KCNQ3: variants seen among roughly 807,000 people sequenced by gnomAD.
KCNQ3 encodes potassium voltage-gated channel subfamily KQT member 3.
KCNQ3 carries 30 observed loss-of-function variants against 92.5 expected under a neutral mutation model. The ratio of observed to expected loss-of-function variants is 0.32; its 90% CI spans 0.24 to 0.44. The LOEUF is 0.44. KCNQ3 is among the 20% of genes least tolerant of loss of function. KCNQ3 has a pLI of 1.00. For missense variants in KCNQ3, 913 were observed against 1,140.3 expected, an observed-to-expected ratio of 0.80 and a Z score of 2.87; for synonymous variants, 450 against 468.8, an observed-to-expected ratio of 0.96 and a Z score of 0.52.
At chr8:132,188,282 T>C (rs1046483287) in intron 1 of KCNQ3, among the ~76,000 whole-genome samples, 4 of 152,200 alleles carry the variant, frequency 2.6e-5, no homozygotes, top group Non-Finnish European at 4.4e-5. Context: ...TTGTTGAGGA[T>C]CATGGTGCTC....
chr8:132,364,543 T>C (rs1052678928), intron 1 of KCNQ3, among the ~76,000 whole-genome samples: 1 of 152,244 alleles, frequency 6.6e-6, no homozygotes, highest in African/African-American at 2.4e-5. Context: ...TGCTGCTTTT[T>C]TGTACATTCC....
chr8:132,382,261 G>A lies in KCNQ3; in HGVS notation c.386+97886C>T, dbSNP rs149157228. ...GTCTGGTAGAAAGTATTTGGGTCCCGGAGGCAGATCCCTCATGAATGGCTT... is the reference window on the plus strand; with the variant it reads ...GTCTGGTAGAAAGTATTTGGGTCCCAGAGGCAGATCCCTCATGAATGGCTT... On this transcript the variant is annotated intron_variant, in intron 1 of 14. Coordinates refer to ENST00000388996, the MANE Select transcript of KCNQ3 (RefSeq NM_004519.4). Among the ~76,000 whole-genome samples, 65 of 152,290 alleles carry A rather than the reference G, an allele frequency of 4.3e-4. 1 individual carries two copies. Among genetic ancestry groups the A allele is most frequent in the African/African-American group, 1.3e-3 (55 of 41,548 alleles).
intron 1 of KCNQ3, among the ~76,000 whole-genome samples, chr8:132,322,275 G>T (rs1391929064): frequency 6.6e-6 from 1 of 152,150 alleles, no homozygotes; most frequent in Non-Finnish European, 1.5e-5. Context: ...TCTCAGCAAA[G>T]GTGACTCTAT....
rs140932238 is a variant in KCNQ3, at chr8:132,226,539, A to C, written c.387-40358T>G. The stretch of plus-strand genomic sequence containing the variant: ...GTCCAAATTATAATAATTTCCAAGA[A>C]ATACAGAGCCAGAATGACATAATAT... On this transcript the variant is annotated intron_variant, in intron 1 of 14. Coordinates refer to ENST00000388996, the MANE Select transcript of KCNQ3 (RefSeq NM_004519.4). Among the ~76,000 whole-genome samples the C allele has an allele frequency of 2.7e-4, 41 of 152,310 alleles. No homozygotes were observed. The East Asian group carries it at 4.8e-3, about 18-fold the overall frequency.
chr8:132,268,449 A>C (rs1025133765), intron 1 of KCNQ3, among the ~76,000 whole-genome samples: 1 of 152,164 alleles, frequency 6.6e-6, no homozygotes, highest in Admixed American at 6.6e-5. Context: ...AGTAGAGACG[A>C]GGTGTCACCA....
intron 1 of KCNQ3, among the ~76,000 whole-genome samples, chr8:132,207,614 T>TA: frequency 6.6e-6 from 1 of 152,224 alleles, no homozygotes; most frequent in South Asian, 2.1e-4. Flanking sequence ...GCATATTACT[T>TA]ACATTTCTTA....
intron 1 of KCNQ3, among the ~76,000 whole-genome samples, chr8:132,396,873 T>A (rs888222561): frequency 6.6e-6 from 1 of 151,994 alleles, no homozygotes; most frequent in Non-Finnish European, 1.5e-5. Context: ...CCTAAGTAGT[T>A]GGAGGGATCT....
In KCNQ3 at chr8:132,404,911, G is replaced by A. The variant is rs60993433; in HGVS notation, c.386+75236C>T. ...TGTGGGTGACTTAAATTTTCTGTGC[G>A]ACAGCTTCATTTTTTGTGAGGGAAA... On this transcript the variant is annotated intron_variant, in intron 1 of 14. Coordinates refer to ENST00000388996, the MANE Select transcript of KCNQ3 (RefSeq NM_004519.4). Among the ~76,000 whole-genome samples the A allele has an allele frequency of 4.4e-3, 669 of 152,218 alleles. 1 individual carries two copies. Among genetic ancestry groups the A allele is most frequent in the African/African-American group, 0.015 (625 of 41,520 alleles).
At chr8:132,476,713 T>G (rs1168687992) in intron 1 of KCNQ3, among the ~76,000 whole-genome samples, 2 of 152,174 alleles carry the variant, frequency 1.3e-5, no homozygotes, top group Non-Finnish European at 2.9e-5. Flanking sequence ...AGGAGCAACT[T>G]GCTTGTCTCA....
intron 11 of KCNQ3, among the ~76,000 whole-genome samples, chr8:132,138,866 C>T (rs904401867): frequency 3.3e-5 from 5 of 152,194 alleles, no homozygotes; most frequent in African/African-American, 1.2e-4. Context: ...GATTATGGTA[C>T]TATCTAATTT....
Position 132,124,216 on chromosome 8 carries a change from A to C in KCNQ3, c.*5046T>G, listed in dbSNP as rs751013787. 3 of 152,224 alleles carry C rather than the reference A, an allele frequency of 2.0e-5. No homozygotes were observed. Among genetic ancestry groups the C allele is most frequent in the Non-Finnish European group, 4.4e-5 (3 of 68,044 alleles). 9.4% of individuals were successfully genotyped at this position (152,224 alleles called of 1,614,324 possible). On this transcript the variant is annotated 3_prime_UTR_variant, in exon 15 of 15. Transcript: ENST00000388996. ...CAGAGATGTACTTATTTAAAAAGCAATTGTGAAAGCATTTGATTTAATAAT... is the reference window on the plus strand; with the variant it reads ...CAGAGATGTACTTATTTAAAAAGCACTTGTGAAAGCATTTGATTTAATAAT...
chr8:132,140,142 C>CCCCTGT lies in KCNQ3; in HGVS notation c.1496_1501dup (p.Asp499_Arg500dup), dbSNP rs761094315. On this transcript the variant is annotated inframe_insertion, in exon 11 of 15. Transcript: ENST00000388996. The stretch of plus-strand genomic sequence containing the variant: ...TTCGATGGGGAAGTCATTCCCATAG[C>CCCCTGT]CCCTGTCTTCCGCCATGGGGTCACC... 12 of 1,613,368 alleles carry CCCCTGT rather than the reference C, an allele frequency of 7.4e-6. No individual in the cohort carries two copies. Among genetic ancestry groups the CCCCTGT allele is most frequent in the Non-Finnish European group, 1.0e-5 (12 of 1,179,832 alleles).
chr8:132,395,667 C>T (rs1820172937), intron 1 of KCNQ3, among the ~76,000 whole-genome samples: 1 of 152,228 alleles, frequency 6.6e-6, no homozygotes, highest in South Asian at 2.1e-4. Flanking sequence ...ATTTCTCATT[C>T]ACCAGGCATT....
At chr8:132,219,996 A>G (rs1814169073) in intron 1 of KCNQ3, among the ~76,000 whole-genome samples, 1 of 152,112 alleles carries the variant, frequency 6.6e-6, no homozygotes, top group African/African-American at 2.4e-5. Context: ...AAAAACCTTG[A>G]TGATATATTT....
At chr8:132,219,850 AAAGAG>A (rs1309781493) in intron 1 of KCNQ3, among the ~76,000 whole-genome samples, 1 of 152,180 alleles carries the variant, frequency 6.6e-6, no homozygotes, top group African/African-American at 2.4e-5. Context: ...TTTTGCTACT[AAAGAG>A]AAGTAAGAAT....
intron 8 of KCNQ3, among the ~76,000 whole-genome samples, 166 bp downstream of exon 8, chr8:132,170,168 C>T (rs1404409744): frequency 3.3e-5 from 5 of 152,126 alleles, no homozygotes; most frequent in Non-Finnish European, 7.3e-5. Flanking sequence ...CCACCGCGCC[C>T]AGCCAGAACT....
In KCNQ3 at chr8:132,307,073, A is replaced by T. The variant is rs1300130192; in HGVS notation, c.387-120892T>A. ...GGCTGATTCAGCCACCTAGCTATGG[A>T]ATTCTTTACCACAAATGACTGAGCA... On this transcript the variant is annotated intron_variant, in intron 1 of 14. Transcript: ENST00000388996. 5.3e-5 allele frequency among the ~76,000 whole-genome samples: 8 copies of T among 152,298 alleles called. No individual in the cohort carries two copies. The South Asian group carries it at 1.2e-3, about 24-fold the overall frequency.
chr8:132,127,691 T>C lies in KCNQ3; in HGVS notation c.*1571A>G, dbSNP rs1187937086. 2 of 152,198 alleles carry C rather than the reference T, an allele frequency of 1.3e-5. No individual in the cohort carries two copies. Among genetic ancestry groups the C allele is most frequent in the African/African-American group, 4.8e-5 (2 of 41,462 alleles). The allele number at this position is 152,198 out of a possible 1,614,324, so 9.4% of individuals were successfully genotyped here. Reference sequence around the variant, plus strand: ...GTGCCTAGGTGTGTGAGAAGAGTGATACAATAATACTGTGGCATGGTCATT... The same window carrying C: ...GTGCCTAGGTGTGTGAGAAGAGTGACACAATAATACTGTGGCATGGTCATT... On this transcript the variant is annotated 3_prime_UTR_variant, in exon 15 of 15. Coordinates refer to ENST00000388996, the MANE Select transcript of KCNQ3 (RefSeq NM_004519.4).
At chr8:132,239,555 C>T (rs1238186981) in intron 1 of KCNQ3, among the ~76,000 whole-genome samples, 1 of 152,196 alleles carries the variant, frequency 6.6e-6, no homozygotes. Context: ...TGTATGTTAA[C>T]GTTGAAACCA....
Sources: allele counts gnomAD v4.1 joint callset (sites outside exome capture counted in the v4.1 genomes callset), GRCh38; gene constraint gnomAD v4.1.1; transcripts MANE v1.5; gene names NCBI Gene and HGNC (gene_info 2026-07-23, HGNC 2026-07-21).